The following CEP112 variants were observed in gnomAD, a reference collection of about 807,000 sequenced individuals.
CEP112 encodes the protein centrosomal protein of 112 kDa.
A neutral mutation model predicts 153.0 loss-of-function variants in CEP112; 127 were observed. The ratio of observed to expected loss-of-function variants is 0.83; its 90% CI spans 0.72 to 0.96. The LOEUF (loss-of-function observed/expected upper bound fraction) is 0.96, where lower values mean the gene tolerates loss of function less well. Ranked by LOEUF, CEP112 falls within the 40% of genes least tolerant of loss-of-function variation. The pLI is 0.00. For missense variants in CEP112, 1,089 were observed against 1,101.2 expected, an observed-to-expected ratio of 0.99 and a Z score of 0.16; for synonymous variants, 358 against 374.4, an observed-to-expected ratio of 0.96 and a Z score of 0.51.
chr17:66,137,854 G>A (rs2070506607), intron 4 of CEP112, among the ~76,000 whole-genome samples: 1 of 152,112 alleles, frequency 6.6e-6, no homozygotes, highest in South Asian at 2.1e-4. Context: ...ACACTAGTTA[G>A]TAGCATGAAA....
chr17:66,023,353 C>CA (rs1433149143), intron 16 of CEP112, among the ~76,000 whole-genome samples: 1 of 152,102 alleles, frequency 6.6e-6, no homozygotes, highest in African/African-American at 2.4e-5. Context: ...AAAAAAACAT[C>CA]AGACTAACAT....
chr17:65,971,477 A>ATC (rs1220735393), intron 17 of CEP112, among the ~76,000 whole-genome samples: 2 of 108,848 alleles, frequency 1.8e-5, no homozygotes, highest in African/African-American at 6.1e-5. Context: ...TGTATCATGC[A>ATC]TGTATGACAT....
At chr17:65,637,553 T>C (rs897788624) in intron 25 of CEP112, among the ~76,000 whole-genome samples, 1 of 152,228 alleles carries the variant, frequency 6.6e-6, no homozygotes, top group Non-Finnish European at 1.5e-5. Context: ...CTTGTCTTTC[T>C]GTCTCCCATT....
At chr17:65,971,116 TGC>T (rs779022819) in intron 17 of CEP112, among the ~76,000 whole-genome samples, 13 of 152,182 alleles carry the variant, frequency 8.5e-5, no homozygotes, top group East Asian at 1.9e-4. Flanking sequence ...GCATGTTCCT[TGC>T]GTGTATGAGA....
intron 6 of CEP112, among the ~76,000 whole-genome samples, chr17:66,124,161 G>A (rs923523666): frequency 1.3e-5 from 2 of 152,066 alleles, no homozygotes; most frequent in Non-Finnish European, 2.9e-5. Context: ...GCTATGATTT[G>A]GGGGCTATGT....
chr17:65,655,051 A>T (rs986710091), intron 24 of CEP112: 1 of 684,536 alleles, frequency 1.5e-6, no homozygotes, highest in Non-Finnish European at 2.8e-6. Context: ...TTGACACTGG[A>T]GATCCAGAAC....
chr17:65,736,488 T>G (rs572766014), intron 23 of CEP112, among the ~76,000 whole-genome samples: 64 of 152,278 alleles, frequency 4.2e-4, no homozygotes, highest in South Asian at 1.2e-3. Flanking sequence ...AAAATTCATT[T>G]GTCTGGAAGT....
chr17:66,098,394 G>A (rs1323819104), intron 6 of CEP112, among the ~76,000 whole-genome samples: 1 of 152,010 alleles, frequency 6.6e-6, no homozygotes, highest in African/African-American at 2.4e-5. Context: ...ATAAATTATT[G>A]GATTCTAGTT....
intron 18 of CEP112, among the ~76,000 whole-genome samples, chr17:65,951,534 T>C (rs2061828011): frequency 6.6e-6 from 1 of 152,162 alleles, no homozygotes; most frequent in Admixed American, 6.5e-5. Context: ...TATCACTTTA[T>C]AATCCTTTCA....
intron 21 of CEP112, among the ~76,000 whole-genome samples, chr17:65,772,923 A>G (rs2145536801): frequency 6.6e-6 from 1 of 152,242 alleles, no homozygotes; most frequent in East Asian, 1.9e-4. Context: ...GACAATGACA[A>G]TGATAGCAAC....
intron 17 of CEP112, among the ~76,000 whole-genome samples, chr17:65,997,279 C>A (rs2145334442): frequency 6.6e-6 from 1 of 152,286 alleles, no homozygotes; most frequent in East Asian, 1.9e-4. Flanking sequence ...AATCCATAAG[C>A]CTCCTAACAG....
chr17:66,100,395 C>T (rs574781039), intron 6 of CEP112, among the ~76,000 whole-genome samples: 11 of 125,180 alleles, frequency 8.8e-5, no homozygotes, highest in East Asian at 4.7e-4. Flanking sequence ...GTGAGATTCC[C>T]GTCTCAAAAA....
At chr17:65,769,388 A>G (rs1047273180) in intron 21 of CEP112, among the ~76,000 whole-genome samples, 1 of 146,050 alleles carries the variant, frequency 6.8e-6, no homozygotes, top group African/African-American at 2.6e-5. Flanking sequence ...CAAAATTTCA[A>G]TGACAGTCTT....
chr17:66,035,008 A>ATATATTTTT (rs1454121288), intron 12 of CEP112, among the ~76,000 whole-genome samples: 1 of 72,370 alleles, frequency 1.4e-5, no homozygotes, highest in African/African-American at 4.4e-5. Context: ...ATATATATAT[A>ATATATTTTT]TTTTTTTTTT....
intron 17 of CEP112, among the ~76,000 whole-genome samples, chr17:65,996,560 T>C (rs1051218457): frequency 7.9e-5 from 12 of 152,208 alleles, no homozygotes; most frequent in Non-Finnish European, 4.4e-5. Flanking sequence ...CCGCTGTGGC[T>C]GCAGCCAACC....
intron 22 of CEP112, among the ~76,000 whole-genome samples, chr17:65,746,244 T>A (rs1368509156): frequency 6.7e-6 from 1 of 148,828 alleles, no homozygotes; most frequent in Non-Finnish European, 1.5e-5. Context: ...AAGTCCAGGA[T>A]GTTCTAAGAA....
In CEP112 at chr17:65,798,715, T is replaced by G. The variant is rs569211983; in HGVS notation, c.2395-47991A>C. Among the ~76,000 whole-genome samples, 13 of 152,348 alleles carry G rather than the reference T, an allele frequency of 8.5e-5. No homozygotes were observed. In the South Asian group the frequency reaches 2.5e-3, roughly 29 times the overall value. ...AGAATTTGGAAAAATCCGAGAATTTTTACTGTCTCTTGTTTAGAAAGGTTA... is the reference window on the plus strand; with the variant it reads ...AGAATTTGGAAAAATCCGAGAATTTGTACTGTCTCTTGTTTAGAAAGGTTA... On this transcript the variant is annotated intron_variant, in intron 21 of 26. Coordinates refer to ENST00000535342, the MANE Select transcript of CEP112 (RefSeq NM_001199165.4).
chr17:65,821,372 C>G (rs1310995715), intron 21 of CEP112, among the ~76,000 whole-genome samples: 1 of 149,120 alleles, frequency 6.7e-6, no homozygotes, highest in Non-Finnish European at 1.5e-5. Flanking sequence ...ATGTAACCAA[C>G]CAATTAAAGG....
chr17:65,717,066 G>A (rs754089975), intron 23 of CEP112, among the ~76,000 whole-genome samples: 1 of 152,172 alleles, frequency 6.6e-6, no homozygotes, highest in South Asian at 2.1e-4. Context: ...ATTCTCAGCT[G>A]CAATAAAATT....
Sources: allele counts gnomAD v4.1 joint callset (sites outside exome capture counted in the v4.1 genomes callset), GRCh38; gene constraint gnomAD v4.1.1; transcripts MANE v1.5; gene names NCBI Gene and HGNC (gene_info 2026-07-23, HGNC 2026-07-21).